The following ELOVL6 variants were observed in gnomAD, a reference collection of about 807,000 sequenced individuals.
ELOVL6 encodes very long chain fatty acid elongase 6.
Under a neutral mutation model 31.7 loss-of-function variants are expected in ELOVL6, and 8 were observed. The observed-to-expected ratio is 0.25, with a 90% CI of 0.15 to 0.45. The LOEUF is 0.45. Ranked by LOEUF, ELOVL6 falls within the 20% of genes least tolerant of loss-of-function variation. The probability of loss-of-function intolerance (pLI) is 1.00; values close to 1 mark genes in which losing one functional copy is unlikely to be tolerated. For missense variants in ELOVL6, 126 were observed against 326.4 expected, an observed-to-expected ratio of 0.39 and a Z score of 4.73; for synonymous variants, 101 against 117.7, an observed-to-expected ratio of 0.86 and a Z score of 0.92.
chr4:110,186,034 A>G (rs557103626), intron 1 of ELOVL6, among the ~76,000 whole-genome samples: 6 of 152,170 alleles, frequency 3.9e-5, no homozygotes, highest in Middle Eastern at 3.4e-3. Context: ...TACTAAAAAT[A>G]GAAAAATTAG....
chr4:110,079,361 G>A (rs1755759361), intron 2 of ELOVL6, among the ~76,000 whole-genome samples: 1 of 152,084 alleles, frequency 6.6e-6, no homozygotes, highest in African/African-American at 2.4e-5. Context: ...CTCAGCAAAT[G>A]GAAAAGAACA....
intron 1 of ELOVL6, among the ~76,000 whole-genome samples, chr4:110,178,078 C>A (rs1404997230): frequency 6.6e-6 from 1 of 152,120 alleles, no homozygotes; most frequent in Non-Finnish European, 1.5e-5. Context: ...GAGTGAGATG[C>A]ATCTCCTCAA....
At chr4:110,150,685 C>T (rs1758252888) in intron 1 of ELOVL6, among the ~76,000 whole-genome samples, 1 of 152,010 alleles carries the variant, frequency 6.6e-6, no homozygotes, top group South Asian at 2.1e-4. Context: ...TTGTATGATC[C>T]TTTCATTTCC....
At chr4:110,104,407 A>G (rs1756830698) in intron 2 of ELOVL6, among the ~76,000 whole-genome samples, 1 of 152,200 alleles carries the variant, frequency 6.6e-6, no homozygotes, top group African/African-American at 2.4e-5. Context: ...TAAAAAGTAT[A>G]TTCAGTAGTG....
At position 110,046,892 on chromosome 4, in the gene ELOVL6, G is replaced by C. The variant is rs1754709419; in HGVS notation, c.*4446C>G. The C allele has an allele frequency of 6.6e-6, 1 of 152,126 alleles. No homozygotes were observed. The highest frequency in any genetic ancestry group is 1.5e-5 in the Non-Finnish European group (1 of 68,038). The allele number at this position is 152,126 out of a possible 1,614,324, so 9.4% of individuals were successfully genotyped here. ...CTCACTTTAATGTGTATACACTACT[G>C]GCCAAATGTGGTGGTGGATCTTGGC... On this transcript the variant is annotated 3_prime_UTR_variant, in exon 4 of 4. Transcript: ENST00000302274.
chr4:110,143,522 T>C (rs1758023428), intron 1 of ELOVL6, among the ~76,000 whole-genome samples: 1 of 152,136 alleles, frequency 6.6e-6, no homozygotes, highest in Non-Finnish European at 1.5e-5. Flanking sequence ...TATCTTATAT[T>C]TCTTAGGACA....
chr4:110,057,781 A>C (rs551665890), intron 3 of ELOVL6, among the ~76,000 whole-genome samples: 1 of 150,388 alleles, frequency 6.6e-6, no homozygotes, highest in Admixed American at 6.7e-5. Context: ...AACCCGGGAC[A>C]CGGAGGTTGC....
chr4:110,060,101 C>T (rs1578444807), intron 2 of ELOVL6: 1 of 175,456 alleles, frequency 5.7e-6, no homozygotes, highest in African/African-American at 2.4e-5. Flanking sequence ...GGTGTGGCTG[C>T]AAACTCTTGG....
intron 1 of ELOVL6, among the ~76,000 whole-genome samples, chr4:110,108,919 T>C (rs10033229): frequency 0.4 from 60,425 of 152,130 alleles, 14,309 homozygotes; most frequent in East Asian, 0.71. Context: ...TAAGCATTAA[T>C]AATTACCTCT....
intron 3 of ELOVL6, among the ~76,000 whole-genome samples, chr4:110,057,205 G>A (rs1755010638): frequency 6.6e-6 from 1 of 152,090 alleles, no homozygotes; most frequent in South Asian, 2.1e-4. Flanking sequence ...GCAGGGAAAA[G>A]GCGTTTCTAG....
intron 2 of ELOVL6, among the ~76,000 whole-genome samples, chr4:110,064,363 AG>A (rs34958560): frequency 0.4 from 60,703 of 149,912 alleles, 15,358 homozygotes; most frequent in East Asian, 0.7. Context: ...GGATGTCAGG[AG>A]GGGGCCAAGA....
At chr4:110,193,393 T>A (rs1340102275) in intron 1 of ELOVL6, among the ~76,000 whole-genome samples, 3 of 152,094 alleles carry the variant, frequency 2.0e-5, no homozygotes, top group Admixed American at 2.0e-4. Flanking sequence ...TTACTTGAGG[T>A]CAGGAGTTCA....
At chr4:110,076,043 T>C (rs1386822569) in intron 2 of ELOVL6, among the ~76,000 whole-genome samples, 1 of 152,226 alleles carries the variant, frequency 6.6e-6, no homozygotes, top group African/African-American at 2.4e-5. Context: ...GGCATAGTGA[T>C]GTTGCATTGT....
chr4:110,163,684 G>A (rs938082825), intron 1 of ELOVL6, among the ~76,000 whole-genome samples: 2 of 152,202 alleles, frequency 1.3e-5, no homozygotes, highest in African/African-American at 4.8e-5. Flanking sequence ...AGCAAAAATG[G>A]AAGAGTTTAA....
chr4:110,100,188 G>A (rs1405168552), intron 2 of ELOVL6, among the ~76,000 whole-genome samples: 1 of 152,176 alleles, frequency 6.6e-6, no homozygotes, highest in Admixed American at 6.5e-5. Flanking sequence ...ATTTGGTTCT[G>A]AAAAAGGGAG....
At chr4:110,167,843 T>C (rs1035953233) in intron 1 of ELOVL6, among the ~76,000 whole-genome samples, 1 of 152,136 alleles carries the variant, frequency 6.6e-6, no homozygotes, top group Non-Finnish European at 1.5e-5. Flanking sequence ...ACCTCTCTTA[T>C]GCTTTTGGAG....
intron 1 of ELOVL6, among the ~76,000 whole-genome samples, chr4:110,106,910 G>A (rs1325629213): frequency 2.6e-5 from 4 of 152,084 alleles, no homozygotes; most frequent in Non-Finnish European, 2.9e-5. Flanking sequence ...ACTATGATTC[G>A]ACTGAAAGCA....
chr4:110,147,349 A>T (rs1325415968), intron 1 of ELOVL6: 1 of 153,854 alleles, frequency 6.5e-6, no homozygotes, highest in Non-Finnish European at 1.4e-5. Context: ...CCTAGAGAAA[A>T]CTCTTCTTCT....
intron 2 of ELOVL6, among the ~76,000 whole-genome samples, chr4:110,061,225 C>T (rs1425693208): frequency 6.6e-6 from 1 of 152,074 alleles, no homozygotes; most frequent in Non-Finnish European, 1.5e-5. Context: ...CTCTGCACTG[C>T]CTCTCTCTCC....
Sources: gnomAD v4.1 joint callset for allele counts (sites outside exome capture counted in the v4.1 genomes callset) on GRCh38, gnomAD v4.1.1 for gene constraint, MANE v1.5 for transcripts, NCBI Gene and HGNC (gene_info 2026-07-23, HGNC 2026-07-21) for gene names.